SLC9A9: variants seen among roughly 807,000 people sequenced by gnomAD.
The protein encoded by SLC9A9 is sodium/hydrogen exchanger 9.
Under a neutral mutation model 77.8 loss-of-function variants are expected in SLC9A9, and 62 were observed. The ratio of observed to expected loss-of-function variants is 0.80; its 90% CI spans 0.65 to 0.98. The LOEUF (loss-of-function observed/expected upper bound fraction) is 0.98. Among genes scored for constraint, SLC9A9 ranks in the 50% least tolerant of loss-of-function variants. The pLI, the probability that SLC9A9 is intolerant of heterozygous loss-of-function variation, is 0.00. For synonymous variants in SLC9A9, 320 were observed against 283.5 expected, an observed-to-expected ratio of 1.13 and a Z score of -1.29; for missense variants, 775 against 774.9, an observed-to-expected ratio of 1.00 and a Z score of 0.00.
At position 143,815,640 on chromosome 3, in the gene SLC9A9, C is replaced by T. The variant is rs113168054; in HGVS notation, c.378+16379G>A. 9.8e-3 allele frequency among the ~76,000 whole-genome samples: 1,496 copies of T among 151,996 alleles called. 18 individuals are homozygous for T. The highest frequency in any genetic ancestry group is 0.035 in the African/African-American group (1,436 of 41,436). ...CAGCTCTTTGGGAGGCTGAGGTGGACGGATCACGAGGTCAAGAGATGGAGA... is the reference window on the plus strand; with the variant it reads ...CAGCTCTTTGGGAGGCTGAGGTGGATGGATCACGAGGTCAAGAGATGGAGA... On this transcript the variant is annotated intron_variant, in intron 2 of 15. Coordinates refer to ENST00000316549, the MANE Select transcript of SLC9A9 (RefSeq NM_173653.4).
intron 9 of SLC9A9, among the ~76,000 whole-genome samples, chr3:143,499,076 A>C (rs1469262178): frequency 6.6e-6 from 1 of 152,178 alleles, no homozygotes; most frequent in Non-Finnish European, 1.5e-5. Context: ...TTTGCACTCC[A>C]ATCAGCAATT....
At chr3:143,832,295 T>C (rs1029469357) in intron 1 of SLC9A9, 74 bp from the exon 2 acceptor site, 1 of 1,330,276 alleles carries the variant, frequency 7.5e-7, no homozygotes, top group Non-Finnish European at 1.1e-6. Flanking sequence ...CCTATATGAT[T>C]TGGAACCTTC....
chr3:143,594,089 A>T (rs908648115), intron 6 of SLC9A9, among the ~76,000 whole-genome samples: 1 of 152,164 alleles, frequency 6.6e-6, no homozygotes, highest in African/African-American at 2.4e-5. Flanking sequence ...TCTGGATTTT[A>T]AAAAAAGAGC....
chr3:143,532,929 G>A (rs969254336), intron 9 of SLC9A9, among the ~76,000 whole-genome samples: 11 of 152,136 alleles, frequency 7.2e-5, no homozygotes, highest in Admixed American at 3.9e-4. Context: ...CTCAGCTGAA[G>A]AGTCTCTTCT....
chr3:143,590,746 G>T (rs894670226), intron 6 of SLC9A9, among the ~76,000 whole-genome samples: 1 of 152,112 alleles, frequency 6.6e-6, no homozygotes, highest in Non-Finnish European at 1.5e-5. Flanking sequence ...GTGAACAGAG[G>T]GTGTTTAATA....
intron 5 of SLC9A9, among the ~76,000 whole-genome samples, chr3:143,663,542 C>T (rs145629471): frequency 8.5e-4 from 129 of 152,244 alleles, no homozygotes; most frequent in African/African-American, 2.9e-3. Context: ...ACGTTTGAAC[C>T]CATCACGAAG....
Position 143,682,697 on chromosome 3 carries a change from A to G in SLC9A9, c.649+10495T>C, listed in dbSNP as rs1933140209. Among the ~76,000 whole-genome samples the G allele has an allele frequency of 2.0e-5, 3 of 152,322 alleles. No homozygotes were observed. In the South Asian group the frequency reaches 6.2e-4, roughly 32 times the overall value. On this transcript the variant is annotated intron_variant, in intron 5 of 15. Coordinates refer to ENST00000316549, the MANE Select transcript of SLC9A9 (RefSeq NM_173653.4). ...CTGCATTTCTTTCTGTAGGCACAAG[A>G]GGATAATCAGTTTCTTTGCCCTTTC...
chr3:143,557,287 T>C (rs945140532), intron 8 of SLC9A9, among the ~76,000 whole-genome samples: 2 of 152,164 alleles, frequency 1.3e-5, no homozygotes, highest in African/African-American at 2.4e-5. Context: ...GAACTGTGAG[T>C]CAATTAAACC....
intron 4 of SLC9A9, among the ~76,000 whole-genome samples, chr3:143,701,986 T>C (rs542017383): frequency 1.3e-5 from 2 of 152,288 alleles, no homozygotes; most frequent in East Asian, 3.9e-4. Context: ...GTGGAAATCT[T>C]ACAAGCCAGG....
At chr3:143,846,348 T>C (rs1380788522) in intron 1 of SLC9A9, among the ~76,000 whole-genome samples, 1 of 152,244 alleles carries the variant, frequency 6.6e-6, no homozygotes, top group Non-Finnish European at 1.5e-5. Context: ...AATTACATTG[T>C]TTCTGGCTTC....
At chr3:143,652,839 T>C (rs2038822528) in intron 5 of SLC9A9, among the ~76,000 whole-genome samples, 1 of 144,918 alleles carries the variant, frequency 6.9e-6, no homozygotes, top group African/African-American at 2.6e-5. Flanking sequence ...CTCATTTTTT[T>C]CATTCTTTAA....
intron 5 of SLC9A9, among the ~76,000 whole-genome samples, chr3:143,668,194 A>G (rs2108762648): frequency 6.6e-6 from 1 of 152,184 alleles, no homozygotes; most frequent in South Asian, 2.1e-4. Context: ...ACATGGATGA[A>G]GCTGGAAACC....
At chr3:143,833,529 C>T (rs953714178) in intron 1 of SLC9A9, among the ~76,000 whole-genome samples, 12 of 152,116 alleles carry the variant, frequency 7.9e-5, no homozygotes, top group Non-Finnish European at 1.3e-4. Flanking sequence ...TCCAGAAGAG[C>T]TGAATCAGAA....
intron 6 of SLC9A9, among the ~76,000 whole-genome samples, chr3:143,636,904 C>G (rs2038532727): frequency 6.6e-6 from 1 of 152,120 alleles, no homozygotes; most frequent in Non-Finnish European, 1.5e-5. Flanking sequence ...AGCCTTAGCC[C>G]CCACCCCAAG....
intron 9 of SLC9A9, among the ~76,000 whole-genome samples, chr3:143,519,422 A>C (rs62269769): frequency 0.32 from 48,110 of 151,904 alleles, 7,998 homozygotes; most frequent in East Asian, 0.42. Flanking sequence ...GGAACCTAGA[A>C]AGGTTGGAGC....
At position 143,363,499 on chromosome 3, in the gene SLC9A9, T is replaced by TACC; in HGVS notation, c.1586_1588dup (p.Trp529dup). 2 of 1,612,760 alleles carry TACC rather than the reference T, an allele frequency of 1.2e-6. No individual in the cohort carries two copies. The highest frequency in any genetic ancestry group is 1.7e-6 in the Non-Finnish European group (2 of 1,178,980). ...CAAAGGATACTTGTGGTCAAAGCTA[T>TACC]ACCACATTCTGAAGAGCCGAGCACT... On this transcript the variant is annotated inframe_insertion, in exon 14 of 16. Coordinates refer to ENST00000316549, the MANE Select transcript of SLC9A9 (RefSeq NM_173653.4).
chr3:143,407,538 T>C (rs2034005600), intron 12 of SLC9A9, among the ~76,000 whole-genome samples: 1 of 152,206 alleles, frequency 6.6e-6, no homozygotes, highest in African/African-American at 2.4e-5. Context: ...AACATATCCA[T>C]TATCCTTTTA....
intron 12 of SLC9A9, among the ~76,000 whole-genome samples, chr3:143,407,879 C>A (rs1012694840): frequency 2.0e-5 from 3 of 152,186 alleles, no homozygotes; most frequent in Non-Finnish European, 4.4e-5. Context: ...GCAGCTTGAG[C>A]TACCGTAACA....
At chr3:143,724,751 T>C (rs1473486779) in intron 4 of SLC9A9, among the ~76,000 whole-genome samples, 1 of 152,254 alleles carries the variant, frequency 6.6e-6, no homozygotes, top group Non-Finnish European at 1.5e-5. Flanking sequence ...CAATTAACTT[T>C]TATGAAAATG....
Sources: gnomAD v4.1 joint callset for allele counts (sites outside exome capture counted in the v4.1 genomes callset) on GRCh38, gnomAD v4.1.1 for gene constraint, MANE v1.5 for transcripts, NCBI Gene and HGNC (gene_info 2026-07-23, HGNC 2026-07-21) for gene names.